Variants in TDRD5 observed in about 807,000 individuals in gnomAD.
The protein encoded by TDRD5 is tudor domain-containing protein 5.
TDRD5 carries 41 observed loss-of-function variants against 120.6 expected under a neutral mutation model. The observed-to-expected ratio is 0.34, with a 90% confidence interval of 0.26 to 0.44. The LOEUF (loss-of-function observed/expected upper bound fraction) is 0.44. TDRD5 is among the 20% of genes least tolerant of loss of function. TDRD5 has a pLI of 1.00. For synonymous variants in TDRD5, 430 were observed against 433.7 expected (o/e 0.99, Z 0.11); for missense variants, 1,006 against 1,221.2 (o/e 0.82, Z 2.63).
intron 2 of TDRD5, 96 bp from the exon 3 acceptor site, chr1:179,593,364 C>T (rs534682501): frequency 2.8e-4 from 379 of 1,345,724 alleles, no homozygotes; most frequent in Admixed American, 1.0e-3. Context: ...ATAAACAGCT[C>T]CTTGGAGAGT....
Position 179,690,881 on chromosome 1 carries a change from C to A in TDRD5, c.3046C>A (p.Arg1016=), listed in dbSNP as rs1268703808. 6.2e-7 allele frequency: 1 copy of A among 1,613,790 alleles called. No homozygotes were observed. Among genetic ancestry groups the A allele is most frequent in the South Asian group, 1.1e-5 (1 of 91,066 alleles). The stretch of plus-strand genomic sequence containing the variant: ...CACTGCTGCCTTAGGTGCTGCCGCA[C>A]GGTTAGCTACATCCAGGAGCCTCCT... ...TATAALGAAA[R]LATSRSLLHW... is the part of the protein sequence containing the mutation. The change falls in exon 18 of 18, where the codon CGG becomes AGG. Residue 1016 remains arginine (R), a synonymous_variant. Transcript: ENST00000444136.
At chr1:179,599,287 G>A (rs538692144) in intron 4 of TDRD5, among the ~76,000 whole-genome samples, 73 of 152,088 alleles carry the variant, frequency 4.8e-4, no homozygotes, top group African/African-American at 1.7e-3. Flanking sequence ...GATATATTCT[G>A]TAGTTTTCTT....
intron 4 of TDRD5, among the ~76,000 whole-genome samples, chr1:179,599,118 A>G (rs1003763793): frequency 3.9e-5 from 6 of 152,034 alleles, no homozygotes; most frequent in Non-Finnish European, 8.8e-5. Context: ...TGAAATTATT[A>G]TAGGACTTTT....
chr1:179,656,602 T>C (rs1475762404), intron 14 of TDRD5, among the ~76,000 whole-genome samples: 1 of 152,224 alleles, frequency 6.6e-6, no homozygotes, highest in Non-Finnish European at 1.5e-5. Context: ...CCTATCTCCA[T>C]TGAATTGTCT....
At chr1:179,595,547 A>G (rs1675343345) in intron 3 of TDRD5, 81 bp from the exon 4 acceptor site, 4 of 1,256,780 alleles carry the variant, frequency 3.2e-6, no homozygotes, top group Non-Finnish European at 4.3e-6. Flanking sequence ...AGCTCACAGT[A>G]GCCTCTGTAT....
In TDRD5 at chr1:179,690,739, C is replaced by T. The variant is rs779517035; in HGVS notation, c.2904C>T (p.Ser968=). ...TCCTAAAGAATGAAGATTTTTCTAG[C>T]AGCCGTGCTATTACATTGTACAAAG... ...PEILKNEDFS[S]SRAITLYKDK... is the part of the protein sequence containing the mutation. Residue 968 remains serine, a synonymous_variant, in exon 18 of 18, where the codon AGC becomes AGT. Coordinates refer to ENST00000444136, the MANE Select transcript of TDRD5 (RefSeq NM_001199085.3). 8.1e-6 allele frequency: 13 copies of T among 1,614,088 alleles called. No homozygotes were observed. The highest frequency in any genetic ancestry group is 3.3e-5 in the Admixed American group (2 of 60,008).
intron 11 of TDRD5, among the ~76,000 whole-genome samples, chr1:179,642,988 A>G (rs1038802690): frequency 2.6e-5 from 4 of 152,204 alleles, no homozygotes; most frequent in African/African-American, 7.2e-5. Flanking sequence ...CAGAACAGCT[A>G]GAAGTTAGGG....
chr1:179,598,263 A>G (rs970878954), intron 4 of TDRD5, among the ~76,000 whole-genome samples: 10 of 152,258 alleles, frequency 6.6e-5, no homozygotes, highest in Admixed American at 4.6e-4. Flanking sequence ...ATTGTTGACC[A>G]TAAGTCATAA....
chr1:179,600,252 C>T (rs1162467401), intron 4 of TDRD5, among the ~76,000 whole-genome samples: 5 of 152,160 alleles, frequency 3.3e-5, no homozygotes, highest in East Asian at 3.8e-4. Context: ...CCCAGAGCAA[C>T]GTACAACCCT....
chr1:179,662,327 A>G (rs746176401), intron 15 of TDRD5, 41 bp downstream of exon 15: 2 of 1,578,758 alleles, frequency 1.3e-6, no homozygotes, highest in Admixed American at 3.8e-5. Flanking sequence ...CAGGCCGGGC[A>G]CTGCGGCTCA....
chr1:179,591,754 G>C (rs1439172614), upstream of TDRD5: 1 of 152,396 alleles, frequency 6.6e-6, no homozygotes, highest in Non-Finnish European at 1.5e-5. Context: ...CTGCCCAACC[G>C]TCCCACCTGC....
chr1:179,597,305 T>C (rs1028052760), intron 4 of TDRD5, among the ~76,000 whole-genome samples: 4 of 151,574 alleles, frequency 2.6e-5, no homozygotes, highest in Non-Finnish European at 5.9e-5. Context: ...TCTAATTTAT[T>C]CATATTTTTC....
chr1:179,654,770 A>C (rs1217926759), intron 14 of TDRD5, among the ~76,000 whole-genome samples: 3 of 152,186 alleles, frequency 2.0e-5, no homozygotes, highest in Admixed American at 2.0e-4. Context: ...TCTGTCTCAA[A>C]AAAATAAAGT....
intron 14 of TDRD5, among the ~76,000 whole-genome samples, chr1:179,656,038 A>G (rs1372740810): frequency 3.3e-5 from 5 of 152,166 alleles, no homozygotes; most frequent in Non-Finnish European, 7.3e-5. Flanking sequence ...GAGTGGCTGT[A>G]CCATTTTGAA....
chr1:179,690,640 A>AG, intron 17 of TDRD5, 56 bp from the exon 18 acceptor site: 1 of 1,569,932 alleles, frequency 6.4e-7, no homozygotes, highest in Non-Finnish European at 8.6e-7. Context: ...GGGGGAGAGG[A>AG]GGCAGTGAGT....
intron 16 of TDRD5, among the ~76,000 whole-genome samples, chr1:179,668,465 T>C (rs1679667769): frequency 6.6e-6 from 1 of 152,186 alleles, no homozygotes; most frequent in Non-Finnish European, 1.5e-5. Flanking sequence ...TGTAAAAGCA[T>C]TATGCTAAGT....
At chr1:179,605,081 T>C (rs1301195755) in intron 4 of TDRD5, among the ~76,000 whole-genome samples, 3 of 152,288 alleles carry the variant, frequency 2.0e-5, no homozygotes, top group East Asian at 1.9e-4. Context: ...ATGTTTAGGA[T>C]TGTGATATTT....
chr1:179,607,702 C>T (rs1036024969), intron 4 of TDRD5, among the ~76,000 whole-genome samples: 1 of 151,846 alleles, frequency 6.6e-6, no homozygotes, highest in Non-Finnish European at 1.5e-5. Context: ...ATCCTTTGTG[C>T]TCTTATTGTG....
At chr1:179,633,818 T>G (rs1339516427) in intron 7 of TDRD5, among the ~76,000 whole-genome samples, 1 of 152,158 alleles carries the variant, frequency 6.6e-6, no homozygotes, top group Non-Finnish European at 1.5e-5. Context: ...CCCTGTTTAA[T>G]TTGAACAAGA....
Sources: allele counts gnomAD v4.1 joint callset (sites outside exome capture counted in the v4.1 genomes callset), GRCh38; gene constraint gnomAD v4.1.1; transcripts MANE v1.5; gene names NCBI Gene and HGNC (gene_info 2026-07-23, HGNC 2026-07-21).